The following MALRD1 variants were observed in gnomAD, a reference collection of about 807,000 sequenced individuals.
The protein encoded by MALRD1 is MAM and LDL-receptor class A domain-containing protein 1.
A neutral mutation model predicts 242.1 loss-of-function variants in MALRD1; 247 were observed. That is an observed-to-expected ratio of 1.02 (90% confidence interval 0.92 to 1.13). The LOEUF (loss-of-function observed/expected upper bound fraction) is 1.13, where lower values mean the gene tolerates loss of function less well. MALRD1 is among the 50% of genes most tolerant of loss of function. The pLI is 0.00. For synonymous variants in MALRD1, 995 were observed against 866.6 expected, an observed-to-expected ratio of 1.15 and a Z score of -2.60; for missense variants, 2,989 against 2,533.1, an observed-to-expected ratio of 1.18 and a Z score of -3.86.
Position 19,603,760 on chromosome 10 carries a change from A to G in MALRD1, c.5945-4017A>G, listed in dbSNP as rs138922734. On this transcript the variant is annotated intron_variant, in intron 34 of 39. Transcript: ENST00000454679. ...TTTTAATGTTTCTCACAATATTTCA[A>G]ACTTCTTCATGACTATCATGTCTGT... Among the ~76,000 whole-genome samples the G allele has an allele frequency of 1.1e-4, 17 of 152,222 alleles. No individual in the cohort carries two copies. In the East Asian group the frequency reaches 3.3e-3, roughly 29 times the overall value.
chr10:19,117,278 CT>C, intron 5 of MALRD1, among the ~76,000 whole-genome samples: 1 of 152,220 alleles, frequency 6.6e-6, no homozygotes, highest in East Asian at 1.9e-4. Context: ...AAAATACTTA[CT>C]CATATACCAC....
chr10:19,246,848 T>C (rs955387969), intron 18 of MALRD1, among the ~76,000 whole-genome samples: 2 of 152,124 alleles, frequency 1.3e-5, no homozygotes, highest in African/African-American at 4.8e-5. Context: ...TTGATGAGTT[T>C]GGGAAAAGCA....
At chr10:19,632,442 G>A (rs1839945717) in intron 36 of MALRD1, among the ~76,000 whole-genome samples, 1 of 151,972 alleles carries the variant, frequency 6.6e-6, no homozygotes, top group Non-Finnish European at 1.5e-5. Flanking sequence ...CATAGAAGAG[G>A]CTCTGAGCCA....
chr10:19,303,298 C>T (rs549298395), intron 21 of MALRD1, among the ~76,000 whole-genome samples: 2 of 151,692 alleles, frequency 1.3e-5, no homozygotes, highest in South Asian at 2.1e-4. Context: ...GACAACAATT[C>T]ATTTTATAAT....
At chr10:19,154,687 C>T (rs4445549) in intron 11 of MALRD1, among the ~76,000 whole-genome samples, 51,565 of 152,006 alleles carry the variant, frequency 0.34, 9,143 homozygotes, top group Non-Finnish European at 0.39. Context: ...ATTCCATAAG[C>T]TCATATCCTT....
chr10:19,115,156 G>A (rs1205326843), intron 5 of MALRD1, among the ~76,000 whole-genome samples: 1 of 152,096 alleles, frequency 6.6e-6, no homozygotes, highest in Non-Finnish European at 1.5e-5. Context: ...ATTAAAACTA[G>A]CCAGTCCTAG....
chr10:19,679,589 T>G (rs1842277043), intron 36 of MALRD1, among the ~76,000 whole-genome samples: 1 of 151,844 alleles, frequency 6.6e-6, no homozygotes, highest in African/African-American at 2.4e-5. Context: ...TTTTATTATT[T>G]TTTTCAAAAA....
intron 18 of MALRD1, among the ~76,000 whole-genome samples, chr10:19,234,684 C>T (rs964202048): frequency 1.3e-5 from 2 of 151,960 alleles, no homozygotes; most frequent in Non-Finnish European, 2.9e-5. Context: ...TCTTTTGTTC[C>T]TTGAAAATAG....
chr10:19,142,031 G>A (rs1012507900), intron 10 of MALRD1, among the ~76,000 whole-genome samples: 1 of 151,808 alleles, frequency 6.6e-6, no homozygotes, highest in Non-Finnish European at 1.5e-5. Flanking sequence ...AATTAGCCGG[G>A]CGTTGTGGTG....
At chr10:19,419,723 A>G (rs775690656) in intron 28 of MALRD1, among the ~76,000 whole-genome samples, 1 of 152,146 alleles carries the variant, frequency 6.6e-6, no homozygotes, top group South Asian at 2.1e-4. Flanking sequence ...TCACTGCAAT[A>G]TATTCATACT....
At chr10:19,332,049 A>T (rs552071340) in intron 24 of MALRD1, among the ~76,000 whole-genome samples, 1 of 152,156 alleles carries the variant, frequency 6.6e-6, no homozygotes, top group African/African-American at 2.4e-5. Context: ...TATTTTTAGT[A>T]GAGGTGGGGT....
chr10:19,594,125 A>G (rs1443885828), intron 33 of MALRD1, among the ~76,000 whole-genome samples: 1 of 152,150 alleles, frequency 6.6e-6, no homozygotes, highest in Non-Finnish European at 1.5e-5. Context: ...GTTCCCTTAA[A>G]TTCTTAAACT....
chr10:19,096,202 C>T (rs1836025969), intron 4 of MALRD1, among the ~76,000 whole-genome samples: 1 of 152,046 alleles, frequency 6.6e-6, no homozygotes, highest in African/African-American at 2.4e-5. Flanking sequence ...TGCTCAGCTT[C>T]CTATTCTCAA....
At chr10:19,077,230 T>G (rs538379956) in intron 2 of MALRD1, among the ~76,000 whole-genome samples, 3 of 152,116 alleles carry the variant, frequency 2.0e-5, no homozygotes, top group African/African-American at 7.2e-5. Context: ...TATACTCTCA[T>G]CTAAGGACTG....
intron 33 of MALRD1, among the ~76,000 whole-genome samples, chr10:19,569,591 T>C (rs1836415672): frequency 6.7e-6 from 1 of 149,698 alleles, no homozygotes; most frequent in African/African-American, 2.4e-5. Context: ...CTTCAATACC[T>C]CTTCTTCCAG....
chr10:19,357,689 C>G (rs1056661000), intron 26 of MALRD1, among the ~76,000 whole-genome samples: 3 of 152,088 alleles, frequency 2.0e-5, no homozygotes, highest in Non-Finnish European at 4.4e-5. Flanking sequence ...AAACACTTAA[C>G]TTGGAATTTG....
chr10:19,516,673 C>G (rs1435500601), intron 31 of MALRD1, among the ~76,000 whole-genome samples: 1 of 151,550 alleles, frequency 6.6e-6, no homozygotes, highest in African/African-American at 2.4e-5. Context: ...TCTTCTTCCT[C>G]CTCCTCATCT....
At chr10:19,456,603 G>A (rs1472194985) in intron 29 of MALRD1, among the ~76,000 whole-genome samples, 1 of 152,250 alleles carries the variant, frequency 6.6e-6, no homozygotes, top group East Asian at 1.9e-4. Context: ...ATGAAAAGCT[G>A]TATTTCTGCT....
At chr10:19,503,991 A>T (rs572847969) in intron 31 of MALRD1, among the ~76,000 whole-genome samples, 1 of 152,220 alleles carries the variant, frequency 6.6e-6, no homozygotes, top group Admixed American at 6.5e-5. Context: ...ATGCATTTCT[A>T]TACTCACCAC....
Sources: gnomAD v4.1 joint callset for allele counts (sites outside exome capture counted in the v4.1 genomes callset) on GRCh38, gnomAD v4.1.1 for gene constraint, MANE v1.5 for transcripts, NCBI Gene and HGNC (gene_info 2026-07-23, HGNC 2026-07-21) for gene names.